Variants in FGGY observed in about 807,000 individuals in gnomAD.
The protein encoded by FGGY is FGGY carbohydrate kinase domain-containing protein.
FGGY carries 72 observed loss-of-function variants against 71.3 expected under a neutral mutation model. The observed-to-expected ratio is 1.01, with a 90% CI of 0.84 to 1.23. FGGY has a LOEUF of 1.23. Among genes scored for constraint, FGGY ranks in the 50% most tolerant of loss-of-function variants. The pLI, the probability that FGGY is intolerant of heterozygous loss-of-function variation, is 0.00. For missense variants in FGGY, 668 were observed against 682.3 expected (o/e 0.98, Z 0.23); for synonymous variants, 251 against 250.3 (o/e 1.00, Z -0.02).
intron 5 of FGGY, among the ~76,000 whole-genome samples, chr1:59,451,448 CATT>C (rs996696395): frequency 6.6e-6 from 1 of 151,238 alleles, no homozygotes; most frequent in Non-Finnish European, 1.5e-5. Flanking sequence ...TTCCTGCTTA[CATT>C]ATTATTATCC....
rs866388080 is a variant in FGGY at position 59,435,754 on chromosome 1, G to A, written c.555-21207G>A. On this transcript the variant is annotated intron_variant, in intron 5 of 15. Transcript: ENST00000303721. ...CTCACGTGTGTGCCTGCGTGTGTGTGTGTGTGTGTGTGTGTGTGTGTGTGT... is the reference window on the plus strand; with the variant it reads ...CTCACGTGTGTGCCTGCGTGTGTGTATGTGTGTGTGTGTGTGTGTGTGTGT... Among the ~76,000 whole-genome samples the A allele has an allele frequency of 4.9e-3, 518 of 106,288 alleles. 4 individuals are homozygous for A. Among genetic ancestry groups the A allele is most frequent in the African/African-American group, 0.019 (455 of 24,032 alleles). The allele number at this position is 106,288 out of a possible 152,430, so 69.7% of individuals were successfully genotyped here.
rs548155905 is a variant in FGGY, at chr1:59,697,733, T to C, written c.1512+23600T>C. ...GAAATCAGACTCTCTTCTTCCAGTC[T>C]TTTGCAAGTAGGTGACACAAGAGGT... is the stretch of plus-strand genomic sequence containing the variant. On this transcript the variant is annotated intron_variant, in intron 14 of 15. Transcript: ENST00000303721. The C allele has an allele frequency of 2.2e-5, 28 of 1,296,976 alleles. 1 individual carries two copies. In the South Asian group the frequency reaches 3.4e-4, roughly 16 times the overall value. 80.3% of individuals were successfully genotyped at this position (1,296,976 alleles called of 1,614,324 possible).
At chr1:59,392,414 G>A (rs565153744) in intron 5 of FGGY, among the ~76,000 whole-genome samples, 1 of 152,258 alleles carries the variant, frequency 6.6e-6, no homozygotes, top group East Asian at 1.9e-4. Context: ...ACTCGTGTCT[G>A]GTCCAACCAG....
chr1:59,348,865 C>T (rs972391041), intron 4 of FGGY, among the ~76,000 whole-genome samples: 2 of 152,124 alleles, frequency 1.3e-5, no homozygotes, highest in African/African-American at 4.8e-5. Flanking sequence ...CAGGAGTTTT[C>T]AAGAATCTAA....
intron 14 of FGGY, among the ~76,000 whole-genome samples, chr1:59,735,698 G>C (rs771265421): frequency 3.9e-5 from 6 of 152,232 alleles, no homozygotes; most frequent in African/African-American, 7.2e-5. Context: ...GGTAAGATTA[G>C]AGGCAGGTTT....
At chr1:59,418,866 A>G (rs2064943466) in intron 5 of FGGY, among the ~76,000 whole-genome samples, 1 of 152,196 alleles carries the variant, frequency 6.6e-6, no homozygotes, top group South Asian at 2.1e-4. Context: ...ATGAATGGAC[A>G]TGGCTGTGTT....
At chr1:59,480,380 G>GTA (rs2093426004) in intron 6 of FGGY, among the ~76,000 whole-genome samples, 1 of 152,126 alleles carries the variant, frequency 6.6e-6, no homozygotes, top group South Asian at 2.1e-4. Context: ...TTTGCTTCCA[G>GTA]TATCGAGTCC....
chr1:59,669,513 A>G (rs1473032302), intron 13 of FGGY, among the ~76,000 whole-genome samples: 1 of 139,490 alleles, frequency 7.2e-6, no homozygotes, highest in Non-Finnish European at 1.6e-5. Context: ...TTAAAATTTG[A>G]TCTGTGACAT....
intron 8 of FGGY, among the ~76,000 whole-genome samples, chr1:59,580,620 T>C (rs1023434185): frequency 2.6e-5 from 4 of 152,224 alleles, no homozygotes; most frequent in African/African-American, 7.2e-5. Context: ...GCTTTAGAGA[T>C]GACAAATTCA....
intron 9 of FGGY, among the ~76,000 whole-genome samples, chr1:59,621,196 C>T (rs1412765160): frequency 6.6e-6 from 1 of 151,946 alleles, no homozygotes; most frequent in East Asian, 1.9e-4. Flanking sequence ...AGCTGTTTAA[C>T]CTTAATTACC....
At position 59,557,561 on chromosome 1, in the gene FGGY, C is replaced by G. The variant is rs6670532; in HGVS notation, c.903+3334C>G. On this transcript the variant is annotated intron_variant, in intron 8 of 15. Transcript: ENST00000303721. ...AAGGCCTTTGATATTTTAGAAGATA[C>G]AAGCATGGGCTGCACATTTATCTTC... Among the ~76,000 whole-genome samples, 198 of 152,286 alleles carry G rather than the reference C, an allele frequency of 1.3e-3. 2 individuals carry two copies. Among genetic ancestry groups the G allele is most frequent in the African/African-American group, 4.5e-3 (185 of 41,560 alleles).
At chr1:59,474,691 G>C (rs781100693) in intron 6 of FGGY, among the ~76,000 whole-genome samples, 7 of 152,212 alleles carry the variant, frequency 4.6e-5, no homozygotes, top group Non-Finnish European at 8.8e-5. Flanking sequence ...CTTTGCCCAA[G>C]TCAGAGACCT....
chr1:59,561,875 A>G (rs941235312), intron 8 of FGGY, among the ~76,000 whole-genome samples: 1 of 152,204 alleles, frequency 6.6e-6, no homozygotes, highest in African/African-American at 2.4e-5. Context: ...CTCAATTAAA[A>G]GGGCCAAACA....
intron 4 of FGGY, among the ~76,000 whole-genome samples, chr1:59,377,513 A>C (rs1287371229): frequency 6.6e-6 from 1 of 152,202 alleles, no homozygotes; most frequent in Admixed American, 6.5e-5. Flanking sequence ...AACCACTCCC[A>C]TGATTCAATT....
chr1:59,747,480 C>T (rs2101604360), intron 14 of FGGY, among the ~76,000 whole-genome samples: 1 of 152,254 alleles, frequency 6.6e-6, no homozygotes, highest in South Asian at 2.1e-4. Context: ...CTGAGCAAAA[C>T]CCTAATAGAA....
intron 5 of FGGY, among the ~76,000 whole-genome samples, chr1:59,431,993 C>T (rs538217199): frequency 1.3e-5 from 2 of 152,142 alleles, no homozygotes; most frequent in African/African-American, 4.8e-5. Context: ...ACTAGAAAGA[C>T]CATGTGATGG....
chr1:59,511,964 G>C (rs937995579), intron 6 of FGGY, among the ~76,000 whole-genome samples: 4 of 152,190 alleles, frequency 2.6e-5, no homozygotes, highest in African/African-American at 9.6e-5. Context: ...TAGATCTGCT[G>C]TGTTAGGAAG....
At chr1:59,662,245 G>T (rs113726339) in intron 12 of FGGY, among the ~76,000 whole-genome samples, 1 of 150,608 alleles carries the variant, frequency 6.6e-6, no homozygotes, top group Non-Finnish European at 1.5e-5. Flanking sequence ...GCATGAACCC[G>T]GGAGGCGGAG....
intron 8 of FGGY, 141 bp from the exon 9 acceptor site, chr1:59,607,662 T>G: frequency 1.7e-6 from 1 of 582,742 alleles, no homozygotes; most frequent in Non-Finnish European, 3.0e-6. Context: ...CCATGGCCTT[T>G]CTTGGGAGAG....
Sources: allele counts gnomAD v4.1 joint callset (sites outside exome capture counted in the v4.1 genomes callset), GRCh38; gene constraint gnomAD v4.1.1; transcripts MANE v1.5; gene names NCBI Gene and HGNC (gene_info 2026-07-23, HGNC 2026-07-21).